The following FANCC variants were observed in gnomAD, a reference collection of about 807,000 sequenced individuals.
FANCC encodes the protein Fanconi anemia group C protein.
FANCC carries 55 observed loss-of-function variants against 71.3 expected under a neutral mutation model. The ratio of observed to expected loss-of-function variants is 0.77; its 90% CI spans 0.62 to 0.97. FANCC has a LOEUF of 0.97. FANCC is among the 50% of genes least tolerant of loss of function. The pLI is 0.00. For synonymous variants in FANCC, 275 were observed against 244.9 expected (o/e 1.12, Z -1.15); for missense variants, 678 against 670.9 (o/e 1.01, Z -0.12).
At chr9:95,111,767 G>T in intron 12 of FANCC, 130 bp from the exon 13 acceptor site, 1 of 1,033,868 alleles carries the variant, frequency 9.7e-7, no homozygotes. Context: ...AACCTGCAAG[G>T]AATACAATTT....
At chr9:95,292,366 C>T (rs1834083364) in intron 1 of FANCC, 4 of 988,302 alleles carry the variant, frequency 4.0e-6, no homozygotes, top group African/African-American at 1.8e-5. Context: ...GTGGCGGCGG[C>T]GGGGTCCACG....
chr9:95,166,898 G>A (rs1312771855), intron 6 of FANCC, among the ~76,000 whole-genome samples: 3 of 152,126 alleles, frequency 2.0e-5, no homozygotes, highest in Non-Finnish European at 2.9e-5. Context: ...TTTACCAGAA[G>A]GCTTTATATT....
intron 4 of FANCC, among the ~76,000 whole-genome samples, chr9:95,230,094 TA>T (rs5899251): frequency 5.6e-4 from 85 of 151,142 alleles, no homozygotes; most frequent in African/African-American, 1.9e-3. Context: ...ATTATTTCAG[TA>T]AAAAAAAAAT....
Position 95,172,039 on chromosome 9 carries a change from T to A in FANCC, c.454A>T (p.Asn152Tyr), listed in dbSNP as rs772984619. Residue 152 changes from asparagine (N) to tyrosine (Y), a missense_variant and splice_region_variant, in exon 5 of 15, where the codon AAT (asparagine) becomes TAT (tyrosine). Transcript: ENST00000289081. ...PIDYYPGLLK[N>Y]MVLSLASELR... Reference sequence around the variant, plus strand: ...AGTGATAAATTTTAAATACTCACATTTTTAAGCAAACCAGGATAGTAATCT... The same window carrying A: ...AGTGATAAATTTTAAATACTCACATATTTAAGCAAACCAGGATAGTAATCT... 1.3e-6 allele frequency: 2 copies of A among 1,590,886 alleles called. No homozygotes were observed. The highest frequency in any genetic ancestry group is 4.5e-5 in the East Asian group (2 of 44,660).
chr9:95,119,554 C>T (rs557113314), intron 10 of FANCC, among the ~76,000 whole-genome samples: 10 of 151,790 alleles, frequency 6.6e-5, no homozygotes, highest in Non-Finnish European at 1.0e-4. Flanking sequence ...TTAGTAGAGA[C>T]GGGGTTTCAC....
At chr9:95,140,374 C>G (rs1048450626) in intron 7 of FANCC, among the ~76,000 whole-genome samples, 2 of 152,168 alleles carry the variant, frequency 1.3e-5, no homozygotes, top group Admixed American at 1.3e-4. Context: ...TTTAGTGAGG[C>G]AGTTGTGTTT....
intron 13 of FANCC, among the ~76,000 whole-genome samples, chr9:95,110,047 G>C (rs912940013): frequency 2.0e-5 from 3 of 152,220 alleles, no homozygotes; most frequent in African/African-American, 7.2e-5. Context: ...GGGCACCTGT[G>C]ACAGAATGGG....
chr9:95,140,337 T>G (rs200095200), intron 7 of FANCC, among the ~76,000 whole-genome samples: 1 of 152,104 alleles, frequency 6.6e-6, no homozygotes, highest in South Asian at 2.1e-4. Context: ...TTTAGAAAAC[T>G]CTACTTTGTT....
intron 9 of FANCC, 133 bp downstream of exon 9, chr9:95,126,396 G>A: frequency 1.1e-6 from 1 of 883,362 alleles, no homozygotes; most frequent in Non-Finnish European, 1.8e-6. Context: ...AAAAAGCTCA[G>A]AGGAACAGGA....
intron 11 of FANCC, among the ~76,000 whole-genome samples, chr9:95,115,563 G>T (rs2072333465): frequency 6.6e-6 from 1 of 152,232 alleles, no homozygotes; most frequent in South Asian, 2.1e-4. Flanking sequence ...TGAGTGAGCT[G>T]CTCTGGTTTC....
intron 3 of FANCC, among the ~76,000 whole-genome samples, chr9:95,244,281 A>C (rs982350834): frequency 1.3e-5 from 2 of 152,154 alleles, no homozygotes; most frequent in East Asian, 3.9e-4. Flanking sequence ...GAACCATCAC[A>C]TTGAGTCAGG....
At chr9:95,274,009 G>T (rs572358093) in intron 1 of FANCC, among the ~76,000 whole-genome samples, 3 of 152,202 alleles carry the variant, frequency 2.0e-5, no homozygotes, top group Admixed American at 1.3e-4. Flanking sequence ...TTTGTAAATA[G>T]AGAGTAGGAA....
chr9:95,142,234 C>T (rs958761559), intron 7 of FANCC, among the ~76,000 whole-genome samples: 3 of 151,978 alleles, frequency 2.0e-5, no homozygotes, highest in Non-Finnish European at 2.9e-5. Context: ...CTCAGGTGAT[C>T]CACCTGCCTC....
At chr9:95,267,350 G>A (rs1033205361) in intron 1 of FANCC, among the ~76,000 whole-genome samples, 1 of 152,166 alleles carries the variant, frequency 6.6e-6, no homozygotes, top group Non-Finnish European at 1.5e-5. Context: ...ACTGCGTGAA[G>A]CAGCCATGAA....
intron 4 of FANCC, among the ~76,000 whole-genome samples, chr9:95,184,751 T>C (rs149690400): frequency 5.3e-4 from 80 of 152,270 alleles, no homozygotes; most frequent in African/African-American, 1.4e-3. Context: ...AAGAAAATTA[T>C]AGAAATAAAC....
At chr9:95,163,622 A>G (rs1391575764) in intron 6 of FANCC, among the ~76,000 whole-genome samples, 1 of 152,230 alleles carries the variant, frequency 6.6e-6, no homozygotes, top group South Asian at 2.1e-4. Context: ...GGCCAAGGCA[A>G]GTGGATCACC....
Position 95,304,121 on chromosome 9 carries a change from G to A in FANCC, c.-79+13405C>T, listed in dbSNP as rs72752347. ...TATCTAGACAAACTATCAATCAAAT[G>A]TGACTAGAATAACTTCACATTCAAC... On this transcript the variant is annotated intron_variant, in intron 1 of 14. Coordinates refer to ENST00000289081, the MANE Select transcript of FANCC (RefSeq NM_000136.3). Among the ~76,000 whole-genome samples the A allele has an allele frequency of 3.8e-3, 581 of 152,278 alleles. 1 individual carries two copies. The highest frequency in any genetic ancestry group is 6.7e-3 in the Non-Finnish European group (459 of 68,014).
At chr9:95,248,980 C>A in intron 2 of FANCC, 147 bp downstream of exon 2, 1 of 733,570 alleles carries the variant, frequency 1.4e-6, no homozygotes, top group Non-Finnish European at 2.3e-6. Flanking sequence ...GACTAGGAAA[C>A]CAGCTCTTGA....
At chr9:95,273,521 T>C (rs1832856617) in intron 1 of FANCC, among the ~76,000 whole-genome samples, 1 of 152,222 alleles carries the variant, frequency 6.6e-6, no homozygotes. Context: ...TAGAAGCTCC[T>C]GCCACATCTC....
Sources: allele counts gnomAD v4.1 joint callset (sites outside exome capture counted in the v4.1 genomes callset), GRCh38; gene constraint gnomAD v4.1.1; transcripts MANE v1.5; gene names NCBI Gene and HGNC (gene_info 2026-07-23, HGNC 2026-07-21).